Variants in RBM34 observed in about 807,000 individuals in gnomAD.
The protein encoded by RBM34 is RNA binding motif protein 34.
In RBM34, 39 loss-of-function variants were observed where a neutral mutation model predicts 44.6. That is an observed-to-expected ratio of 0.87 (90% CI 0.68 to 1.14). The LOEUF (loss-of-function observed/expected upper bound fraction) is 1.14, where lower values mean the gene tolerates loss of function less well. Among genes scored for constraint, RBM34 ranks in the 50% most tolerant of loss-of-function variants. RBM34 has a pLI of 0.00. For synonymous variants in RBM34, 194 were observed against 184.0 expected, an observed-to-expected ratio of 1.05 and a Z score of -0.44; for missense variants, 572 against 517.9, an observed-to-expected ratio of 1.10 and a Z score of -1.01.
intron 5 of RBM34, among the ~76,000 whole-genome samples, chr1:235,150,033 C>T (rs1053854342): frequency 3.3e-5 from 5 of 152,098 alleles, no homozygotes; most frequent in African/African-American, 1.2e-4. Flanking sequence ...TATTGGGTGC[C>T]TTCTGTACAG....
chr1:235,160,953 C>T lies in RBM34; in HGVS notation c.168G>A (p.Leu56=). The T allele has an allele frequency of 2.5e-6, 4 of 1,614,172 alleles. No individual in the cohort carries two copies. The highest frequency in any genetic ancestry group is 3.4e-6 in the Non-Finnish European group (4 of 1,180,036). The change falls in exon 2 of 11, where the codon CTG becomes CTA. Residue 56 remains leucine, a synonymous_variant. Transcript: ENST00000408888. ...GCTCCAGAGAACTGAAGAGGGACGC[C>T]AGCCGACCGGTGCCACCTCTGGAAT... ...EHHSRGGTGR[L]ASLFSSLEPQ... is the part of the protein sequence containing the mutation.
chr1:235,137,347 C>A (rs779497056), intron 8 of RBM34, among the ~76,000 whole-genome samples: 5 of 152,094 alleles, frequency 3.3e-5, no homozygotes, highest in Non-Finnish European at 5.9e-5. Flanking sequence ...ACCTTCTGAC[C>A]TAATTATGCT....
chr1:235,137,768 C>T, intron 8 of RBM34, 109 bp downstream of exon 8: 1 of 812,536 alleles, frequency 1.2e-6, no homozygotes, highest in South Asian at 1.9e-5. Context: ...CTGTTTCCTT[C>T]TGCGCTTCCC....
chr1:235,160,587 G>A lies in RBM34; in HGVS notation c.289C>T (p.Pro97Ser). 1.9e-6 allele frequency: 3 copies of A among 1,613,922 alleles called. No individual in the cohort carries two copies. The highest frequency in any genetic ancestry group is 2.5e-6 in the Non-Finnish European group (3 of 1,179,924). Residue 97 changes from proline to serine, a missense_variant, in exon 3 of 11, where the codon CCA becomes TCA. By Grantham distance (74) the Pro-to-Ser change is moderately conservative. Transcript: ENST00000408888. ...TTTTTGGCAGGTTCTTGCGAAAGTG[G>A]TCTTTCAATCTGGGATGTACTTTCT... ...EEESTSQIER[P>S]LSQEPAKKVK...
chr1:235,159,869 CAA>C (rs397983303), intron 3 of RBM34, among the ~76,000 whole-genome samples: 1 of 140,144 alleles, frequency 7.1e-6, no homozygotes. Flanking sequence ...AACTCCGTCT[CAA>C]AAAAAAAAAA....
intron 10 of RBM34, among the ~76,000 whole-genome samples, chr1:235,133,014 C>CT (rs1661280181): frequency 6.6e-6 from 1 of 152,146 alleles, no homozygotes; most frequent in South Asian, 2.1e-4. Flanking sequence ...GGGGATCTAT[C>CT]TTAAGTAATC....
At chr1:235,136,131 C>A in intron 8 of RBM34, 58 bp from the exon 9 acceptor site, 1 of 1,435,440 alleles carries the variant, frequency 7.0e-7, no homozygotes. Flanking sequence ...TGGAAGTCAT[C>A]GAAAATCCTC....
At chr1:235,151,833 G>C (rs1227763044) in intron 5 of RBM34, among the ~76,000 whole-genome samples, 1 of 152,146 alleles carries the variant, frequency 6.6e-6, no homozygotes, top group Non-Finnish European at 1.5e-5. Flanking sequence ...ACGAGTTTGA[G>C]ACCAGTCTGG....
intron 9 of RBM34, 30 bp downstream of exon 9, chr1:235,136,004 A>G: frequency 6.7e-7 from 1 of 1,501,238 alleles, no homozygotes; most frequent in Non-Finnish European, 9.2e-7. Flanking sequence ...ATTTAGTAAT[A>G]TTAACTGTAC....
At position 235,138,160 on chromosome 1, in the gene RBM34, G is replaced by C. The variant is rs774957624; in HGVS notation, c.716C>G (p.Pro239Arg). 2 of 1,594,962 alleles carry C rather than the reference G, an allele frequency of 1.3e-6. No individual in the cohort carries two copies. The highest frequency in any genetic ancestry group is 3.6e-5 in the Admixed American group (2 of 55,846). Reference sequence around the variant, plus strand: ...ATAGGCATTAATATTTTTCTGATCAGGATGAATTTTACGTCTACACCAAAA... The same window carrying C: ...ATAGGCATTAATATTTTTCTGATCACGATGAATTTTACGTCTACACCAAAA... Reference protein sequence around the residue: ...KLAAIKRKIHPDQKNINAYVV... With the variant: ...KLAAIKRKIHRDQKNINAYVV... Residue 239 changes from proline to arginine, a missense_variant, in exon 7 of 11, where the codon CCT becomes CGT. Physicochemically the swap from Pro to Arg is moderately radical, Grantham distance 103. Coordinates refer to ENST00000408888, the MANE Select transcript of RBM34 (RefSeq NM_015014.4).
Position 235,148,320 on chromosome 1 carries a change from T to C in RBM34, c.701+84A>G, listed in dbSNP as rs1661997134. The C allele has an allele frequency of 8.0e-6, 8 of 994,364 alleles. No individual in the cohort carries two copies. The East Asian group carries it at 1.0e-4, about 13-fold the overall frequency. 61.6% of individuals were successfully genotyped at this position (994,364 alleles called of 1,614,324 possible). On this transcript the variant is annotated intron_variant, in intron 6 of 10. Coordinates refer to ENST00000408888, the MANE Select transcript of RBM34 (RefSeq NM_015014.4). Reference sequence around the variant, plus strand: ...TATCCAAATATATTAATAAAATCTATGCAATTGTTAAGAAATGGTCTCACT... The same window carrying C: ...TATCCAAATATATTAATAAAATCTACGCAATTGTTAAGAAATGGTCTCACT...
chr1:235,132,004 A>T lies in RBM34; in HGVS notation c.1009-7T>A. On this transcript the variant is annotated splice_region_variant and splice_polypyrimidine_tract_variant and intron_variant, in intron 10 of 10. Transcript: ENST00000408888. ...GATGAACAGAATCTGTATTCTGCAA[A>T]AGAAAACACAATACATTAATTGCTA... 6.4e-7 allele frequency: 1 copy of T among 1,571,842 alleles called. No individual in the cohort carries two copies. Among genetic ancestry groups the T allele is most frequent in the African/African-American group, 1.4e-5 (1 of 72,990 alleles).
At chr1:235,152,493 G>C (rs1662207685) in intron 5 of RBM34, 2 of 1,280,982 alleles carry the variant, frequency 1.6e-6, no homozygotes, top group Non-Finnish European at 2.0e-6. Flanking sequence ...TTCATAGCAA[G>C]AGTATCATTT....
intron 4 of RBM34, 124 bp from the exon 5 acceptor site, chr1:235,152,889 GAC>G (rs1662224706): frequency 1.4e-6 from 1 of 739,600 alleles, no homozygotes; most frequent in Non-Finnish European, 2.0e-6. Flanking sequence ...TTTTTTTTGA[GAC>G]AGAGTCTTGC....
chr1:235,156,736 G>T (rs752813219), intron 3 of RBM34: 9 of 409,616 alleles, frequency 2.2e-5, no homozygotes, highest in African/African-American at 8.4e-5. Context: ...TCATAAAAAT[G>T]ACTCACTCAT....
rs1174997187 is a variant in RBM34 at position 235,160,276 on chromosome 1, G to A, written c.365+235C>T. 1.4e-5 allele frequency: 9 copies of A among 660,674 alleles called. No individual in the cohort carries two copies. The East Asian group carries it at 2.4e-4, about 18-fold the overall frequency. 40.9% of individuals were successfully genotyped at this position (660,674 alleles called of 1,614,324 possible). A position where few individuals can be genotyped will look rare whatever the true frequency, so the allele number is the denominator to read the frequency against. On this transcript the variant is annotated intron_variant, in intron 3 of 10. Coordinates refer to ENST00000408888, the MANE Select transcript of RBM34 (RefSeq NM_015014.4). The stretch of plus-strand genomic sequence containing the variant: ...CAAAACAAACAAAAACAAATAATGA[G>A]GGGGTATATGAGTGGGGTAAAAATA...
In RBM34 at chr1:235,131,628, C is replaced by T. The variant is rs749161588; in HGVS notation, c.*85G>A. 1.7e-4 allele frequency: 243 copies of T among 1,426,320 alleles called. No individual in the cohort carries two copies. The highest frequency in any genetic ancestry group is 2.1e-4 in the Non-Finnish European group (219 of 1,054,328). 88.4% of individuals were successfully genotyped at this position (1,426,320 alleles called of 1,614,324 possible). On this transcript the variant is annotated 3_prime_UTR_variant, in exon 11 of 11. Transcript: ENST00000408888. Reference sequence around the variant, plus strand: ...CCATAAAGAAGTATAAAACTCAACACATGAATAGCAGACGATGCTATCAGC... The same window carrying T: ...CCATAAAGAAGTATAAAACTCAACATATGAATAGCAGACGATGCTATCAGC...
At chr1:235,149,587 T>C (rs1445528714) in intron 5 of RBM34, among the ~76,000 whole-genome samples, 1 of 152,168 alleles carries the variant, frequency 6.6e-6, no homozygotes, top group Non-Finnish European at 1.5e-5. Context: ...GGTAAGGGAA[T>C]CCCCTTTATA....
rs565152646 is a variant in RBM34, at chr1:235,131,656, A to C, written c.*57T>G. Reference sequence around the variant, plus strand: ...GAATAGCAGACGATGCTATCAGCAGATAATAGCACTTTTATTAGCAGTACT... The same window carrying C: ...GAATAGCAGACGATGCTATCAGCAGCTAATAGCACTTTTATTAGCAGTACT... On this transcript the variant is annotated 3_prime_UTR_variant, in exon 11 of 11. Coordinates refer to ENST00000408888, the MANE Select transcript of RBM34 (RefSeq NM_015014.4). The C allele has an allele frequency of 9.3e-6, 14 of 1,497,742 alleles. No homozygotes were observed. In the East Asian group the frequency reaches 2.9e-4, roughly 32 times the overall value. The allele number at this position is 1,497,742 out of a possible 1,614,324, so 92.8% of individuals were successfully genotyped here.
Sources: allele counts gnomAD v4.1 joint callset (sites outside exome capture counted in the v4.1 genomes callset), GRCh38; gene constraint gnomAD v4.1.1; transcripts MANE v1.5; gene names NCBI Gene and HGNC (gene_info 2026-07-23, HGNC 2026-07-21).